The following LRP6 variants were observed in gnomAD, a reference collection of about 807,000 sequenced individuals.
LRP6 encodes LDL receptor related protein 6.
A neutral mutation model predicts 184.1 loss-of-function variants in LRP6; 43 were observed. The ratio of observed to expected loss-of-function variants is 0.23; its 90% CI spans 0.18 to 0.30. The LOEUF is 0.30. Ranked by LOEUF, LRP6 falls within the 10% of genes least tolerant of loss-of-function variation. LRP6 has a pLI of 1.00. For synonymous variants in LRP6, 719 were observed against 684.9 expected, an observed-to-expected ratio of 1.05 and a Z score of -0.78; for missense variants, 1,571 against 2,005.3, an observed-to-expected ratio of 0.78 and a Z score of 4.14.
chr12:12,241,888 T>C (rs777791216), intron 2 of LRP6, among the ~76,000 whole-genome samples: 1 of 152,180 alleles, frequency 6.6e-6, no homozygotes, highest in Non-Finnish European at 1.5e-5. Context: ...TAATGAGAAA[T>C]AACAAGGATA....
At chr12:12,123,693 C>T (rs1263220809) in intron 22 of LRP6, among the ~76,000 whole-genome samples, 2 of 152,200 alleles carry the variant, frequency 1.3e-5, no homozygotes, top group Admixed American at 1.3e-4. Context: ...AGTACTTGAC[C>T]TGCTCAACAC....
rs954304716 is a variant in LRP6 at position 12,120,251 on chromosome 12, G to A, written c.*875C>T. The A allele has an allele frequency of 6.6e-5, 10 of 151,726 alleles. No homozygotes were observed. Among genetic ancestry groups the A allele is most frequent in the Admixed American group, 3.9e-4 (6 of 15,230 alleles). 9.4% of individuals were successfully genotyped at this position (151,726 alleles called of 1,614,324 possible). On this transcript the variant is annotated 3_prime_UTR_variant, in exon 23 of 23. Coordinates refer to ENST00000261349, the MANE Select transcript of LRP6 (RefSeq NM_002336.3). ...GCAAAAACAGCAGTCAAATTGAAGA[G>A]CTAAGCCTACTGGGGAATGGAGCTA...
intron 15 of LRP6, among the ~76,000 whole-genome samples, chr12:12,144,286 G>A (rs1949972793): frequency 6.6e-6 from 1 of 152,118 alleles, no homozygotes; most frequent in African/African-American, 2.4e-5. Flanking sequence ...CATGATCATG[G>A]CTCATTGCAG....
At chr12:12,177,289 G>A (rs192018175) in intron 7 of LRP6, among the ~76,000 whole-genome samples, 20 of 152,312 alleles carry the variant, frequency 1.3e-4, no homozygotes, top group African/African-American at 4.8e-4. Context: ...AATGGGACTA[G>A]AAGGGAGAAT....
Position 12,130,897 on chromosome 12 carries a change from G to GAA in LRP6, c.3971-6_3971-5dup. 1 of 1,502,170 alleles carries GAA rather than the reference G, an allele frequency of 6.7e-7. No individual in the cohort carries two copies. Among genetic ancestry groups the GAA allele is most frequent in the Non-Finnish European group, 9.3e-7 (1 of 1,078,750 alleles). 93.1% of individuals were successfully genotyped at this position (1,502,170 alleles called of 1,614,324 possible). On this transcript the variant is annotated splice_polypyrimidine_tract_variant and splice_region_variant and intron_variant, in intron 18 of 22. Transcript: ENST00000261349. ...AACTGATCAATTAAACAAAGCACTG[G>GAA]AAAAAAAACATAAATAGTTTCCTTA... is the stretch of plus-strand genomic sequence containing the variant.
intron 3 of LRP6, among the ~76,000 whole-genome samples, chr12:12,202,817 G>A (rs1863950956): frequency 6.6e-6 from 1 of 152,154 alleles, no homozygotes; most frequent in Non-Finnish European, 1.5e-5. Flanking sequence ...GCACACTGCA[G>A]GATGTTTAGC....
chr12:12,131,713 T>A, intron 18 of LRP6, 108 bp downstream of exon 18: 1 of 845,596 alleles, frequency 1.2e-6, no homozygotes, highest in Non-Finnish European at 2.1e-6. Flanking sequence ...GATACAGTCA[T>A]ATGTACTTGA....
chr12:12,136,290 A>G (rs369806407), intron 16 of LRP6, among the ~76,000 whole-genome samples: 10 of 152,318 alleles, frequency 6.6e-5, no homozygotes, highest in Middle Eastern at 3.4e-3. Context: ...TTAACTCAGA[A>G]AATCCGTATA....
chr12:12,204,435 T>C (rs1393281064), intron 2 of LRP6, among the ~76,000 whole-genome samples: 1 of 152,162 alleles, frequency 6.6e-6, no homozygotes, highest in Non-Finnish European at 1.5e-5. Flanking sequence ...GCAAAACTGA[T>C]GTAGTGTCAA....
chr12:12,177,046 C>G (rs1221258591), intron 7 of LRP6, among the ~76,000 whole-genome samples: 1 of 152,030 alleles, frequency 6.6e-6, no homozygotes, highest in African/African-American at 2.4e-5. Flanking sequence ...CAGGGTTTCA[C>G]CATGTTGGCC....
At chr12:12,218,372 GA>G (rs1474243868) in intron 2 of LRP6, among the ~76,000 whole-genome samples, 3 of 151,818 alleles carry the variant, frequency 2.0e-5, no homozygotes, top group Non-Finnish European at 2.9e-5. Flanking sequence ...AGCTACTCAG[GA>G]GGCTAAAATG....
At chr12:12,146,258 TTTGA>T (rs1248409773) in intron 15 of LRP6, among the ~76,000 whole-genome samples, 5 of 152,198 alleles carry the variant, frequency 3.3e-5, no homozygotes, top group Non-Finnish European at 5.9e-5. Flanking sequence ...TATTTTAAAT[TTTGA>T]TTATTACTGG....
intron 5 of LRP6, among the ~76,000 whole-genome samples, chr12:12,182,735 T>C (rs960460376): frequency 6.6e-6 from 1 of 152,174 alleles, no homozygotes; most frequent in Non-Finnish European, 1.5e-5. Context: ...GGAATAACTT[T>C]GTACAATTCA....
At chr12:12,208,173 G>C (rs1234537604) in intron 2 of LRP6, among the ~76,000 whole-genome samples, 1 of 152,126 alleles carries the variant, frequency 6.6e-6, no homozygotes, top group Non-Finnish European at 1.5e-5. Flanking sequence ...ACATAAAAGA[G>C]TACCTACTAC....
At chr12:12,122,334 T>A (rs915311836) in intron 22 of LRP6, among the ~76,000 whole-genome samples, 5 of 152,206 alleles carry the variant, frequency 3.3e-5, no homozygotes, top group Non-Finnish European at 7.3e-5. Flanking sequence ...GTAAAGCTGA[T>A]CTTAAATTTA....
At chr12:12,219,614 T>C (rs1051711264) in intron 2 of LRP6, among the ~76,000 whole-genome samples, 1 of 152,236 alleles carries the variant, frequency 6.6e-6, no homozygotes, top group African/African-American at 2.4e-5. Flanking sequence ...CCACAAATCC[T>C]GTAACCATTC....
At position 12,128,065 on chromosome 12, in the gene LRP6, T is replaced by C. The variant is rs1591863721; in HGVS notation, c.4082-1144A>G. ...AAAAGTTTACATTCACTACCCTCAA[T>C]CCCTAGCCTCTGGGTCACACCATAA... is the stretch of plus-strand genomic sequence containing the variant. On this transcript the variant is annotated intron_variant, in intron 19 of 22. Coordinates refer to ENST00000261349, the MANE Select transcript of LRP6 (RefSeq NM_002336.3). Among the ~76,000 whole-genome samples, 2 of 152,218 alleles carry C rather than the reference T, an allele frequency of 1.3e-5. 1 individual carries two copies. Among genetic ancestry groups the C allele is most frequent in the South Asian group, 4.2e-4 (2 of 4,818 alleles).
intron 1 of LRP6, among the ~76,000 whole-genome samples, chr12:12,260,171 G>A (rs549899075): frequency 2.0e-5 from 3 of 152,234 alleles, no homozygotes; most frequent in Admixed American, 2.0e-4. Flanking sequence ...CAGGTCAGGA[G>A]ATGGAGACCA....
At chr12:12,180,238 TTC>T (rs1491391428) in intron 6 of LRP6, among the ~76,000 whole-genome samples, 14 of 121,296 alleles carry the variant, frequency 1.2e-4, no homozygotes, top group African/African-American at 1.7e-4. Context: ...ACAGTTTTAC[TTC>T]TTTTTTTTTT....
Sources: allele counts gnomAD v4.1 joint callset (sites outside exome capture counted in the v4.1 genomes callset), GRCh38; gene constraint gnomAD v4.1.1; transcripts MANE v1.5; gene names NCBI Gene and HGNC (gene_info 2026-07-23, HGNC 2026-07-21).